GBA2: variants seen among roughly 807,000 people sequenced by gnomAD.
GBA2 encodes the protein glucosylceramidase beta 2, also known as non-lysosomal glucosylceramidase.
GBA2 carries 79 observed loss-of-function variants against 112.9 expected under a neutral mutation model. The ratio of observed to expected loss-of-function variants is 0.70; its 90% CI spans 0.58 to 0.84. GBA2 has a LOEUF of 0.84. Among genes scored for constraint, GBA2 ranks in the 40% least tolerant of loss-of-function variants. The pLI is 0.00. For missense variants in GBA2, 1,043 were observed against 1,190.0 expected, an observed-to-expected ratio of 0.88 and a Z score of 1.82; for synonymous variants, 403 against 434.3, an observed-to-expected ratio of 0.93 and a Z score of 0.90.
At chr9:35,744,145 G>A in intron 3 of GBA2, 152 bp downstream of exon 3, 2 of 645,964 alleles carry the variant, frequency 3.1e-6, no homozygotes, top group South Asian at 3.5e-5. Context: ...GTATATCCTA[G>A]CTCAGGGCTG....
Position 35,748,694 on chromosome 9 carries a change from T to G in GBA2, c.11A>C (p.Gln4Pro), listed in dbSNP as rs747628882. The G allele has an allele frequency of 3.9e-6, 6 of 1,556,808 alleles. No individual in the cohort carries two copies. Among genetic ancestry groups the G allele is most frequent in the Non-Finnish European group, 5.2e-6 (6 of 1,147,468 alleles). The change falls in exon 1 of 17, where the codon CAG becomes CCG. Residue 4 changes from glutamine to proline, a missense_variant. Gln to Pro is a moderately conservative substitution (Grantham distance 76, BLOSUM62 -1). Transcript: ENST00000378103. The part of the protein sequence containing the change: MGT[Q>P]DPGNMGTGVP... ...GCCGGTTCCCATGTTCCCTGGATCC[T>G]GGGTCCCCATGACCTCGATGGCGCC...
At chr9:35,739,495 GATTTAGAGGTGGGGCATTGTTACTA>G in intron 9 of GBA2, 76 bp from the exon 10 acceptor site, 1 of 1,304,254 alleles carries the variant, frequency 7.7e-7, no homozygotes, top group South Asian at 1.2e-5. Flanking sequence ...TTGTCCTCTA[GATTTAGAGGTGGGGCATTGTTACTA>G]GTCCACACCC....
At chr9:35,738,654 G>C in intron 12 of GBA2, 22 bp from the exon 13 acceptor site, 1 of 1,600,372 alleles carries the variant, frequency 6.2e-7, no homozygotes, top group South Asian at 1.1e-5. Context: ...CCAAGATGTT[G>C]AAGACCTAGG....
chr9:35,744,185 A>G (rs1826851802), intron 3 of GBA2, 112 bp downstream of exon 3: 1 of 701,038 alleles, frequency 1.4e-6, no homozygotes. Flanking sequence ...GAGAGTACTT[A>G]TTAGATTGAA....
chr9:35,740,498 A>G lies in GBA2; in HGVS notation c.1129+28T>C. On this transcript the variant is annotated intron_variant, in intron 6 of 16. Coordinates refer to ENST00000378103, the MANE Select transcript of GBA2 (RefSeq NM_020944.3). This position sits in a 1 kb window ranked among gnomAD's most constrained non-coding sequence, Gnocchi z 4.7. ...CAAGACAGGGACAACCTCTCTTCCC[A>G]CCATCTCCCAGTCAGACCCCCCATC... The G allele has an allele frequency of 6.3e-7, 1 of 1,586,018 alleles. No homozygotes were observed. The highest frequency in any genetic ancestry group is 1.1e-5 in the South Asian group (1 of 90,304).
In GBA2 at chr9:35,738,993, G is replaced by T; in HGVS notation, c.1795+9C>A. ...AGGGAGGGAAGCTGACCTTGGGGTG[G>T]ACTTTTACCTGGGTCCCCAATATCA... is the stretch of plus-strand genomic sequence containing the variant. On this transcript the variant is annotated intron_variant, in intron 11 of 16. Transcript: ENST00000378103. 1 of 1,608,694 alleles carries T rather than the reference G, an allele frequency of 6.2e-7. No individual in the cohort carries two copies. Among genetic ancestry groups the T allele is most frequent in the Non-Finnish European group, 8.5e-7 (1 of 1,175,344 alleles).
At position 35,737,929 on chromosome 9, in the gene GBA2, G is replaced by T; in HGVS notation, c.2324C>A (p.Thr775Asn). The change falls in exon 16 of 17, where the codon ACC becomes AAC. Residue 775 changes from threonine to asparagine, a missense_variant. Physicochemically the swap from Thr to Asn is moderately conservative, Grantham distance 65. Coordinates refer to ENST00000378103, the MANE Select transcript of GBA2 (RefSeq NM_020944.3). The surrounding 1 kb of genome is among the most constrained non-coding windows in gnomAD (Gnocchi z 4.1). ...TTGGAGAGCACGGACCACATGTTGG[G>T]TAGGAAACACCTGGAGGGGCAAGGG... is the stretch of plus-strand genomic sequence containing the variant. ...LGEGDTEVFP[T>N]QHVVRALQTI... 1 of 1,610,724 alleles carries T rather than the reference G, an allele frequency of 6.2e-7. No homozygotes were observed. The highest frequency in any genetic ancestry group is 2.2e-5 in the East Asian group (1 of 44,832).
At position 35,741,577 on chromosome 9, in the gene GBA2, C is replaced by T. The variant is rs1036033609; in HGVS notation, c.786+95G>A. 5.7e-5 allele frequency: 48 copies of T among 841,144 alleles called. No individual in the cohort carries two copies. The highest frequency in any genetic ancestry group is 8.5e-5 in the Non-Finnish European group (41 of 481,354). The allele number at this position is 841,144 out of a possible 1,614,324, so 52.1% of individuals were successfully genotyped here. ...CCTCCCAAAGTGTTGGGATTACAGG[C>T]GTGAGCTACCGCGCCTCGCAGGCCA... On this transcript the variant is annotated intron_variant, in intron 4 of 16. Transcript: ENST00000378103. The surrounding 1 kb of genome is among the most constrained non-coding windows in gnomAD (Gnocchi z 4.6).
rs1239795233 is a variant in GBA2 at position 35,740,970 on chromosome 9, C to G, written c.881G>C (p.Gly294Ala). The change falls in exon 5 of 17, where the codon GGA (glycine) becomes GCA (alanine). Residue 294 changes from glycine (G) to alanine (A), a missense_variant. Gly to Ala is a moderately conservative substitution (Grantham distance 60, BLOSUM62 0). Coordinates refer to ENST00000378103, the MANE Select transcript of GBA2 (RefSeq NM_020944.3). The surrounding 1 kb of genome is among the most constrained non-coding windows in gnomAD (Gnocchi z 4.7). ...TGGGGCATCGTCTCCACCACCCAGT[C>G]CATTCCGCATGGAGAACATGATGGA... ...DVSIMFSMRN[G>A]LGGGDDAPGG... 6.2e-7 allele frequency: 1 copy of G among 1,614,050 alleles called. No homozygotes were observed. Among genetic ancestry groups the G allele is most frequent in the Non-Finnish European group, 8.5e-7 (1 of 1,180,022 alleles).
intron 3 of GBA2, among the ~76,000 whole-genome samples, chr9:35,743,899 G>A (rs1019897408): frequency 6.6e-6 from 1 of 152,124 alleles, no homozygotes; most frequent in Non-Finnish European, 1.5e-5. Flanking sequence ...CTTGTACTAC[G>A]TGTCTTTTTT....
Position 35,740,437 on chromosome 9 carries a change from A to G in GBA2, c.1130-75T>C. On this transcript the variant is annotated intron_variant, in intron 6 of 16. Transcript: ENST00000378103. The surrounding 1 kb of genome is among the most constrained non-coding windows in gnomAD (Gnocchi z 4.7). ...GATAGGGATCCCTAACATGGAAACA[A>G]GGCCTACTTATTACCAGGCCTCCCA... 1.3e-6 allele frequency: 2 copies of G among 1,583,030 alleles called. No individual in the cohort carries two copies. The highest frequency in any genetic ancestry group is 8.6e-7 in the Non-Finnish European group (1 of 1,156,594).
rs1385851567 is a variant in GBA2 at position 35,737,451 on chromosome 9, T to C, written c.2506-4A>G. On this transcript the variant is annotated splice_region_variant and splice_polypyrimidine_tract_variant and intron_variant, in intron 16 of 16. Transcript: ENST00000378103. This position sits in a 1 kb window ranked among gnomAD's most constrained non-coding sequence, Gnocchi z 4.1. ...GGAAGCCCTCCCAAGTCAGGCCCTG[T>C]TGGGAGAGATGACAGTCATACATAC... 1.2e-6 allele frequency: 2 copies of C among 1,612,988 alleles called. No individual in the cohort carries two copies. Among genetic ancestry groups the C allele is most frequent in the Non-Finnish European group, 8.5e-7 (1 of 1,179,582 alleles).
Position 35,737,794 on chromosome 9 carries a change from A to C in GBA2, c.2459T>G (p.Val820Gly). 1.2e-6 allele frequency: 2 copies of C among 1,613,970 alleles called. No homozygotes were observed. The highest frequency in any genetic ancestry group is 2.2e-5 in the South Asian group (2 of 91,066). Residue 820 changes from valine (V) to glycine (G), a missense_variant, in exon 16 of 17, where the codon GTC becomes GGC. Physicochemically the swap from Val to Gly is moderately radical, Grantham distance 109. Coordinates refer to ENST00000378103, the MANE Select transcript of GBA2 (RefSeq NM_020944.3). The surrounding 1 kb of genome is among the most constrained non-coding windows in gnomAD (Gnocchi z 4.1). ...PDKSSVQSDE[V>G]WVGVVYGLAA... Reference sequence around the variant, plus strand: ...CAGCCCGTAGACCACACCCACCCAGACTTCATCAGACTGCACACTGGATTT... The same window carrying C: ...CAGCCCGTAGACCACACCCACCCAGCCTTCATCAGACTGCACACTGGATTT...
Position 35,749,180 on chromosome 9 carries a change from G to A in GBA2, c.-476C>T, listed in dbSNP as rs1489629340. 3 of 342,816 alleles carry A rather than the reference G, an allele frequency of 8.8e-6. No homozygotes were observed. Among genetic ancestry groups the A allele is most frequent in the South Asian group, 4.1e-5 (2 of 48,424 alleles). 21.2% of individuals were successfully genotyped at this position (342,816 alleles called of 1,614,324 possible). On this transcript the variant is annotated 5_prime_UTR_variant, in exon 1 of 17. In the 5' UTR this introduces an upstream ATG that the reference lacks. Transcript: ENST00000378103. The surrounding 1 kb of genome is among the most constrained non-coding windows in gnomAD (Gnocchi z 4.4). ...AGCGCCCGCGCCCAGGTGCCAGCCC[G>A]TGGGAAGGTGACCCTGGGCGCCGGG...
chr9:35,738,722 C>T (rs1374054030), intron 12 of GBA2, 30 bp downstream of exon 12: 1 of 1,613,068 alleles, frequency 6.2e-7, no homozygotes, highest in Non-Finnish European at 8.5e-7. Flanking sequence ...ATACCCCTGG[C>T]ACACTGGCCA....
rs1563962087 is a variant in GBA2 at position 35,740,804 on chromosome 9, TAGGGC to T, written c.1026+16_1026+20del. The T allele has an allele frequency of 6.2e-7, 1 of 1,613,416 alleles. No homozygotes were observed. On this transcript the variant is annotated intron_variant, in intron 5 of 16. Transcript: ENST00000378103. The surrounding 1 kb of genome is among the most constrained non-coding windows in gnomAD (Gnocchi z 4.7). ...GAGGTGGGGTTCAGGGGCTAAGGTA[TAGGGC>T]AGGCTCTTTCCTTACCGTGACTCGT...
rs1220095503 is a variant in GBA2 at position 35,738,160 on chromosome 9, CGAG to C, written c.2198-11_2198-9del. On this transcript the variant is annotated splice_polypyrimidine_tract_variant and intron_variant, in intron 14 of 16. Transcript: ENST00000378103. ...CATAGTTGTAATAGCGGCCTGGAGT[CGAG>C]GAAGAGAAAAATAAGGCTCCTGGTG... The C allele has an allele frequency of 1.2e-6, 2 of 1,613,278 alleles. No homozygotes were observed. The highest frequency in any genetic ancestry group is 2.2e-5 in the East Asian group (1 of 44,896).
intron 2 of GBA2, 92 bp downstream of exon 2, chr9:35,744,523 G>T: frequency 1.9e-6 from 2 of 1,035,512 alleles, no homozygotes; most frequent in Non-Finnish European, 3.1e-6. Context: ...ATGGAACAGT[G>T]CAATTTGCAT....
intron 1 of GBA2, 66 bp downstream of exon 1, chr9:35,748,280 C>A: frequency 1.0e-6 from 1 of 995,952 alleles, no homozygotes; most frequent in Middle Eastern, 2.5e-4. Flanking sequence ...TTTCCCACCT[C>A]TGCTAGAAGT....
Sources: gnomAD v4.1 joint callset for allele counts (sites outside exome capture counted in the v4.1 genomes callset) on GRCh38, gnomAD v4.1.1 for gene constraint, Gnocchi (gnomAD v3.1) non-coding constraint, MANE v1.5 for transcripts, NCBI Gene and HGNC (gene_info 2026-07-23, HGNC 2026-07-21) for gene names.